The following RBFOX1 variants were observed in gnomAD, a reference collection of about 807,000 sequenced individuals.
RBFOX1 encodes RNA binding fox-1 homolog 1.
A neutral mutation model predicts 57.7 loss-of-function variants in RBFOX1; 8 were observed. The observed-to-expected ratio is 0.14, with a 90% CI of 0.08 to 0.25. The LOEUF is 0.25. RBFOX1 is among the 10% of genes least tolerant of loss of function. The pLI is 1.00. For missense variants in RBFOX1, 611 were observed against 548.5 expected (o/e 1.11, Z -1.14); for synonymous variants, 326 against 222.4 (o/e 1.47, Z -4.15).
In RBFOX1 at chr16:7,001,400, G is replaced by GTATATGTATATC. The variant is rs1568311853; in HGVS notation, c.-15-50646_-15-50645insCTATATGTATAT. ...TGTATGTGTATGTGTATGTGTATTT[G>GTATATGTATATC]TATATGTATATGTATATGTATATGT... On this transcript the variant is annotated intron_variant, in intron 3 of 15. Coordinates refer to ENST00000550418, the MANE Select transcript of RBFOX1 (RefSeq NM_018723.4). 1.4e-4 allele frequency among the ~76,000 whole-genome samples: 12 copies of GTATATGTATATC among 83,562 alleles called. No homozygotes were observed. In the East Asian group the frequency reaches 2.3e-3, roughly 16 times the overall value. 54.8% of individuals were successfully genotyped at this position (83,562 alleles called of 152,430 possible). A position where few individuals can be genotyped will look rare whatever the true frequency, so the allele number is the denominator to read the frequency against.
intron 2 of RBFOX1, among the ~76,000 whole-genome samples, chr16:5,514,763 G>A (rs1259841182): frequency 6.6e-6 from 1 of 151,960 alleles, no homozygotes; most frequent in Non-Finnish European, 1.5e-5. Context: ...GGGAAGAGGG[G>A]GAATCAGAAG....
chr16:7,362,141 T>C (rs990033204), intron 4 of RBFOX1, among the ~76,000 whole-genome samples: 8 of 151,786 alleles, frequency 5.3e-5, no homozygotes, highest in African/African-American at 1.7e-4. Context: ...TGTGTGTTAG[T>C]GTATGTGTGT....
intron 3 of RBFOX1, among the ~76,000 whole-genome samples, chr16:5,694,262 C>T (rs1401594794): frequency 1.3e-5 from 2 of 152,206 alleles, no homozygotes; most frequent in African/African-American, 2.4e-5. Context: ...ATTTCCAAGA[C>T]TGTGATCCTT....
At chr16:6,749,437 G>A (rs1214073985) in intron 3 of RBFOX1, among the ~76,000 whole-genome samples, 1 of 152,142 alleles carries the variant, frequency 6.6e-6, no homozygotes, top group African/African-American at 2.4e-5. Context: ...CGGTCACTCA[G>A]GCAATTTATA....
At chr16:5,834,687 G>GTAGATATA (rs2056395598) in intron 3 of RBFOX1, among the ~76,000 whole-genome samples, 2 of 134,802 alleles carry the variant, frequency 1.5e-5, no homozygotes, top group African/African-American at 6.4e-5. Flanking sequence ...AATGGGATAG[G>GTAGATATA]TAGATAGATA....
At chr16:6,080,664 T>G (rs1275576811) in intron 1 of RBFOX1, among the ~76,000 whole-genome samples, 1 of 152,226 alleles carries the variant, frequency 6.6e-6, no homozygotes, top group African/African-American at 2.4e-5. Flanking sequence ...GGGGTATATA[T>G]TTTTAAAAGA....
At chr16:7,030,911 C>G (rs140753158) in intron 3 of RBFOX1, among the ~76,000 whole-genome samples, 2 of 152,048 alleles carry the variant, frequency 1.3e-5, no homozygotes, top group South Asian at 4.1e-4. Flanking sequence ...TGTCATTTGA[C>G]AAAGAGTGGA....
In RBFOX1 at chr16:7,514,666, A is replaced by C. The variant is rs190231794; in HGVS notation, c.28-3481A>C. ...GACTAGTTGGGCAAGGGGGTAGGTGAGGCTTTCCAAGCTGAGGGGCAGTAA... is the reference window on the plus strand; with the variant it reads ...GACTAGTTGGGCAAGGGGGTAGGTGCGGCTTTCCAAGCTGAGGGGCAGTAA... On this transcript the variant is annotated intron_variant, in intron 4 of 15. Coordinates refer to ENST00000550418, the MANE Select transcript of RBFOX1 (RefSeq NM_018723.4). 5.4e-4 allele frequency among the ~76,000 whole-genome samples: 82 copies of C among 152,188 alleles called. 1 individual carries two copies. Among genetic ancestry groups the C allele is most frequent in the African/African-American group, 1.9e-3 (80 of 41,540 alleles).
At chr16:6,141,985 G>A (rs901436282) in intron 1 of RBFOX1, among the ~76,000 whole-genome samples, 1 of 151,608 alleles carries the variant, frequency 6.6e-6, no homozygotes. Flanking sequence ...TTTCAACCTG[G>A]GAGGTGGAGG....
intron 1 of RBFOX1, among the ~76,000 whole-genome samples, chr16:6,182,579 A>T (rs2097072391): frequency 6.6e-6 from 1 of 152,166 alleles, no homozygotes. Context: ...TCTAATATTT[A>T]CTTACCCCTT....
chr16:7,147,902 C>T lies in RBFOX1; in HGVS notation c.27+95804C>T, dbSNP rs373108517. Reference sequence around the variant, plus strand: ...CTTTGAGAAACCTCCAGGCTGCTTTCGCCAGGGGCTGAACTAATTTACATT... The same window carrying T: ...CTTTGAGAAACCTCCAGGCTGCTTTTGCCAGGGGCTGAACTAATTTACATT... On this transcript the variant is annotated intron_variant, in intron 4 of 15. Coordinates refer to ENST00000550418, the MANE Select transcript of RBFOX1 (RefSeq NM_018723.4). Among the ~76,000 whole-genome samples, 26 of 152,306 alleles carry T rather than the reference C, an allele frequency of 1.7e-4. No individual in the cohort carries two copies. The East Asian group carries it at 1.7e-3, about 10-fold the overall frequency.
At chr16:5,771,949 G>A (rs990469110) in intron 3 of RBFOX1, among the ~76,000 whole-genome samples, 4 of 152,110 alleles carry the variant, frequency 2.6e-5, no homozygotes, top group African/African-American at 7.2e-5. Flanking sequence ...CGAGGGGGGT[G>A]GATCACGAGG....
intron 3 of RBFOX1, among the ~76,000 whole-genome samples, chr16:5,756,141 C>A (rs56118633): frequency 0.03 from 4,174 of 139,014 alleles, 87 homozygotes; most frequent in Middle Eastern, 0.054. Context: ...CAGGGACTTA[C>A]AAACCAGAAG....
intron 3 of RBFOX1, among the ~76,000 whole-genome samples, chr16:6,772,089 T>C (rs1414898651): frequency 6.6e-6 from 1 of 152,182 alleles, no homozygotes. Context: ...GAACTGTGGC[T>C]TTCCTGAGGA....
At chr16:5,244,713 G>T (rs1225820404) in intron 1 of RBFOX1, among the ~76,000 whole-genome samples, 1 of 152,242 alleles carries the variant, frequency 6.6e-6, no homozygotes, top group Non-Finnish European at 1.5e-5. Flanking sequence ...AATGCAGTGC[G>T]TAAGTGGGAA....
chr16:6,173,153 G>T (rs1008064700), intron 1 of RBFOX1, among the ~76,000 whole-genome samples: 2 of 152,100 alleles, frequency 1.3e-5, no homozygotes, highest in African/African-American at 2.4e-5. Flanking sequence ...CATCTGCAAA[G>T]TCCCTTTGCC....
intron 2 of RBFOX1, among the ~76,000 whole-genome samples, chr16:6,526,274 C>T (rs531651898): frequency 2.6e-5 from 4 of 152,172 alleles, no homozygotes; most frequent in South Asian, 4.1e-4. Context: ...GGTTTCCTAT[C>T]GTGCTGTTAT....
chr16:7,256,453 T>A (rs1350428398), intron 4 of RBFOX1, among the ~76,000 whole-genome samples: 1 of 152,148 alleles, frequency 6.6e-6, no homozygotes, highest in East Asian at 1.9e-4. Context: ...TTTTATGGCA[T>A]TATTGCTGAC....
chr16:6,739,536 C>G (rs2071418184), intron 3 of RBFOX1, among the ~76,000 whole-genome samples: 1 of 146,516 alleles, frequency 6.8e-6, no homozygotes, highest in Non-Finnish European at 1.5e-5. Context: ...GAATTCTACC[C>G]ATATTTTTAA....
Sources: gnomAD v4.1 joint callset for allele counts (sites outside exome capture counted in the v4.1 genomes callset) on GRCh38, gnomAD v4.1.1 for gene constraint, MANE v1.5 for transcripts, NCBI Gene and HGNC (gene_info 2026-07-23, HGNC 2026-07-21) for gene names.